SPAG16: variants seen among roughly 807,000 people sequenced by gnomAD.
SPAG16 encodes sperm-associated antigen 16 protein.
Under a neutral mutation model 80.4 loss-of-function variants are expected in SPAG16, and 86 were observed. The ratio of observed to expected loss-of-function variants is 1.07; its 90% CI spans 0.90 to 1.28. The LOEUF (loss-of-function observed/expected upper bound fraction) is 1.28. SPAG16 is among the 50% of genes most tolerant of loss of function. The pLI, the probability that SPAG16 is intolerant of heterozygous loss-of-function variation, is 0.00. For missense variants in SPAG16, 870 were observed against 765.3 expected (o/e 1.14, Z -1.61); for synonymous variants, 294 against 265.9 (o/e 1.11, Z -1.03).
At chr2:214,382,102 C>T (rs1298407158) in intron 15 of SPAG16, among the ~76,000 whole-genome samples, 1 of 152,192 alleles carries the variant, frequency 6.6e-6, no homozygotes, top group Admixed American at 6.5e-5. Context: ...GAATACCCCT[C>T]CAGTAACCAG....
At chr2:213,391,079 C>G (rs2067725730) in intron 9 of SPAG16, among the ~76,000 whole-genome samples, 2 of 151,984 alleles carry the variant, frequency 1.3e-5, no homozygotes, top group Non-Finnish European at 2.9e-5. Flanking sequence ...ACCAGCCTGA[C>G]CAATATGGTG....
chr2:213,898,767 A>G (rs369306229), intron 11 of SPAG16, among the ~76,000 whole-genome samples: 3 of 152,172 alleles, frequency 2.0e-5, no homozygotes, highest in South Asian at 4.1e-4. Context: ...TGAAATACTC[A>G]GTTGGATTCT....
intron 15 of SPAG16, among the ~76,000 whole-genome samples, chr2:214,171,692 T>C (rs1308597198): frequency 6.6e-6 from 1 of 151,886 alleles, no homozygotes; most frequent in Non-Finnish European, 1.5e-5. Flanking sequence ...TAAGACAAAT[T>C]TTATCTTTTT....
Position 214,327,441 on chromosome 2 carries a change from G to A in SPAG16, c.1721-82699G>A, listed in dbSNP as rs1385193360. Among the ~76,000 whole-genome samples, 3 of 152,260 alleles carry A rather than the reference G, an allele frequency of 2.0e-5. No homozygotes were observed. The East Asian group carries it at 5.8e-4, about 29-fold the overall frequency. On this transcript the variant is annotated intron_variant, in intron 15 of 15. Coordinates refer to ENST00000331683, the MANE Select transcript of SPAG16 (RefSeq NM_024532.5). The stretch of plus-strand genomic sequence containing the variant: ...CTTTTGGGACATGTAAAGATTAAAT[G>A]AGACCACATTTCAAGGCTCAGACTC...
chr2:213,740,285 C>T (rs1198155926), intron 10 of SPAG16, among the ~76,000 whole-genome samples: 1 of 152,102 alleles, frequency 6.6e-6, no homozygotes, highest in Middle Eastern at 3.2e-3. Flanking sequence ...AAACAGATGA[C>T]TCCAGGAATA....
chr2:213,563,933 T>C (rs1483280503), intron 10 of SPAG16, among the ~76,000 whole-genome samples: 1 of 152,150 alleles, frequency 6.6e-6, no homozygotes, highest in Non-Finnish European at 1.5e-5. Context: ...ACATGGAGTA[T>C]GGAAAACCAG....
In SPAG16 at chr2:214,410,317, C is replaced by A; in HGVS notation, c.*2C>A. Reference sequence around the variant, plus strand: ...GGCACAGTTCGAACGTGGTCTTGACCGTCAGCACATCCCGCTGCAGAGGGC... The same window carrying A: ...GGCACAGTTCGAACGTGGTCTTGACAGTCAGCACATCCCGCTGCAGAGGGC... On this transcript the variant is annotated 3_prime_UTR_variant, in exon 16 of 16. Transcript: ENST00000331683. 6 of 1,589,032 alleles carry A rather than the reference C, an allele frequency of 3.8e-6. No individual in the cohort carries two copies. The highest frequency in any genetic ancestry group is 5.2e-6 in the Non-Finnish European group (6 of 1,159,996).
intron 10 of SPAG16, among the ~76,000 whole-genome samples, chr2:213,710,450 T>C (rs1269154573): frequency 6.6e-6 from 1 of 152,192 alleles, no homozygotes; most frequent in Admixed American, 6.5e-5. Flanking sequence ...CATGTATCTA[T>C]GTATTAAATA....
At chr2:214,162,234 A>G (rs775596988) in intron 15 of SPAG16, among the ~76,000 whole-genome samples, 1 of 152,160 alleles carries the variant, frequency 6.6e-6, no homozygotes, top group Non-Finnish European at 1.5e-5. Context: ...TTGGTGGGAC[A>G]TGTCCTCATA....
chr2:214,176,716 T>C (rs2057096020), intron 15 of SPAG16, among the ~76,000 whole-genome samples: 1 of 151,226 alleles, frequency 6.6e-6, no homozygotes, highest in Admixed American at 6.6e-5. Flanking sequence ...AGAAGTACAG[T>C]GATGGTCAAT....
intron 10 of SPAG16, among the ~76,000 whole-genome samples, chr2:213,749,313 C>T (rs1320568292): frequency 1.3e-5 from 2 of 151,204 alleles, no homozygotes; most frequent in Non-Finnish European, 2.9e-5. Context: ...ATTTAATGGC[C>T]ATTTTATATT....
At chr2:213,434,603 GAACTC>G (rs1359215901) in intron 9 of SPAG16, among the ~76,000 whole-genome samples, 1 of 151,964 alleles carries the variant, frequency 6.6e-6, no homozygotes. Context: ...AATTTATAGG[GAACTC>G]AAACAACAAT....
intron 9 of SPAG16, among the ~76,000 whole-genome samples, chr2:213,476,728 A>G (rs2073417543): frequency 6.6e-6 from 1 of 152,190 alleles, no homozygotes; most frequent in African/African-American, 2.4e-5. Context: ...CTCAGTGAGC[A>G]GGAGGGAGCG....
At position 214,234,302 on chromosome 2, in the gene SPAG16, G is replaced by A. The variant is rs182015265; in HGVS notation, c.1720+85036G>A. Among the ~76,000 whole-genome samples, 334 of 152,216 alleles carry A rather than the reference G, an allele frequency of 2.2e-3. 2 individuals are homozygous for A. Among genetic ancestry groups the A allele is most frequent in the Non-Finnish European group, 4.0e-3 (269 of 68,006 alleles). On this transcript the variant is annotated intron_variant, in intron 15 of 15. Transcript: ENST00000331683. Reference sequence around the variant, plus strand: ...CAAATCTATCATTGATGGGCATTTAGGTTGATTCCATGTCTTTGCTATTGT... The same window carrying A: ...CAAATCTATCATTGATGGGCATTTAAGTTGATTCCATGTCTTTGCTATTGT...
intron 15 of SPAG16, among the ~76,000 whole-genome samples, chr2:214,403,876 G>T (rs1701849040): frequency 6.6e-6 from 1 of 152,146 alleles, no homozygotes; most frequent in Admixed American, 6.6e-5. Flanking sequence ...TGAATGGTAT[G>T]AATGAAATGC....
At chr2:213,897,906 C>T (rs1048381585) in intron 11 of SPAG16, among the ~76,000 whole-genome samples, 3 of 152,278 alleles carry the variant, frequency 2.0e-5, no homozygotes, top group Non-Finnish European at 4.4e-5. Context: ...AAAAGGATTT[C>T]CTATCTTTGG....
chr2:213,339,326 G>GT (rs1319317706), intron 5 of SPAG16, among the ~76,000 whole-genome samples: 1 of 152,168 alleles, frequency 6.6e-6, no homozygotes, highest in Non-Finnish European at 1.5e-5. Flanking sequence ...CTAATATGAG[G>GT]TATCAGTCCA....
intron 3 of SPAG16, among the ~76,000 whole-genome samples, chr2:213,300,606 A>C (rs2062700670): frequency 6.6e-6 from 1 of 152,154 alleles, no homozygotes; most frequent in South Asian, 2.1e-4. Context: ...GATTTGTAAA[A>C]ATTTGTAACA....
At chr2:214,211,639 A>G (rs757061498) in intron 15 of SPAG16, among the ~76,000 whole-genome samples, 9 of 152,168 alleles carry the variant, frequency 5.9e-5, no homozygotes, top group Non-Finnish European at 1.0e-4. Context: ...CTCCCTGACT[A>G]GAGAGGGGAC....
Sources: allele counts gnomAD v4.1 joint callset (sites outside exome capture counted in the v4.1 genomes callset), GRCh38; gene constraint gnomAD v4.1.1; transcripts MANE v1.5; gene names NCBI Gene and HGNC (gene_info 2026-07-23, HGNC 2026-07-21).